The following TNXB variants were observed in gnomAD, a reference collection of about 807,000 sequenced individuals.
The protein encoded by TNXB is tenascin-X.
In TNXB, 183 loss-of-function variants were observed where a neutral mutation model predicts 340.5. The ratio of observed to expected loss-of-function variants is 0.54; its 90% confidence interval spans 0.48 to 0.61. The LOEUF is 0.61. TNXB is among the 20% of genes least tolerant of loss of function. The pLI is 0.00. For missense variants in TNXB, 4,613 were observed against 5,446.4 expected, an observed-to-expected ratio of 0.85 and a Z score of 4.82; for synonymous variants, 2,121 against 2,314.5, an observed-to-expected ratio of 0.92 and a Z score of 2.40.
chr6:32,084,388 GC>G lies in TNXB; in HGVS notation c.3445+24del. On this transcript the variant is annotated intron_variant, in intron 8 of 43. Transcript: ENST00000644971. The surrounding 1 kb of genome is among the most constrained non-coding windows in gnomAD (Gnocchi z 5.5). ...AAACCTCTTCAGGGCAGTACAGAGG[GC>G]AGGGTGTTACTGCTGTCACTCACAG... The G allele has an allele frequency of 6.4e-7, 1 of 1,563,282 alleles. No homozygotes were observed. Among genetic ancestry groups the G allele is most frequent in the Non-Finnish European group, 8.7e-7 (1 of 1,150,664 alleles).
chr6:32,076,912 C>G (rs946849556), intron 11 of TNXB, among the ~76,000 whole-genome samples: 80 of 152,102 alleles, frequency 5.3e-4, no homozygotes, highest in African/African-American at 1.8e-3. Context: ...AACCTGGGAG[C>G]CAGAGGTTGC....
In TNXB at chr6:32,097,622, T is replaced by C. The variant is rs1284770015; in HGVS notation, c.404-173A>G. 1.8e-6 allele frequency: 2 copies of C among 1,092,440 alleles called. No homozygotes were observed. Among genetic ancestry groups the C allele is most frequent in the African/African-American group, 1.6e-5 (1 of 63,296 alleles). The allele number at this position is 1,092,440 out of a possible 1,614,324, so 67.7% of individuals were successfully genotyped here. ...TGCAGCCTCTCAGGGCCCTCGCATA[T>C]GCTTTGGTTGACATGTAGCCCAGCT... is the stretch of plus-strand genomic sequence containing the variant. On this transcript the variant is annotated intron_variant, in intron 2 of 43. Coordinates refer to ENST00000644971, the MANE Select transcript of TNXB (RefSeq NM_001365276.2). The surrounding 1 kb of genome is among the most constrained non-coding windows in gnomAD (Gnocchi z 5.9).
Position 32,047,672 on chromosome 6 carries a change from C to T in TNXB, c.10324+62G>A, listed in dbSNP as rs541645099. On this transcript the variant is annotated intron_variant, in intron 30 of 43. Coordinates refer to ENST00000644971, the MANE Select transcript of TNXB (RefSeq NM_001365276.2). The surrounding 1 kb of genome is among the most constrained non-coding windows in gnomAD (Gnocchi z 6.2). ...GAATCTCACGGGAAGGCTGCAGGGC[C>T]AGCTCTGAGGGCTCGGATGAGAGGC... is the stretch of plus-strand genomic sequence containing the variant. The T allele has an allele frequency of 1.4e-4, 218 of 1,511,788 alleles. No individual in the cohort carries two copies. In the African/African-American group the frequency reaches 2.3e-3, roughly 16 times the overall value. The allele number at this position is 1,511,788 out of a possible 1,614,324, so 93.6% of individuals were successfully genotyped here.
In TNXB at chr6:32,082,100, T is replaced by A; in HGVS notation, c.3672A>T (p.Arg1224Ser). The change falls in exon 9 of 44, where the codon AGA (arginine) becomes AGT (serine). Residue 1224 changes from arginine (R) to serine (S), a missense_variant. Arg to Ser is a moderately radical substitution (Grantham distance 110). Coordinates refer to ENST00000644971, the MANE Select transcript of TNXB (RefSeq NM_001365276.2). This position sits in a 1 kb window ranked among gnomAD's most constrained non-coding sequence, Gnocchi z 5.0. ...TGTTCGCAATTCCAAACAGAGTGAA[T>A]CTGTACTTGTGGTCAGGGTCCAGTG... The part of the protein sequence containing the change: ...VSSLDPDHKY[R>S]FTLFGIANKK... 6.2e-7 allele frequency: 1 copy of A among 1,610,800 alleles called. No homozygotes were observed. The highest frequency in any genetic ancestry group is 8.5e-7 in the Non-Finnish European group (1 of 1,178,802).
chr6:32,048,428 T>A lies in TNXB; in HGVS notation c.9980A>T (p.Lys3327Met). 1 of 1,569,406 alleles carries A rather than the reference T, an allele frequency of 6.4e-7. No homozygotes were observed. Among genetic ancestry groups the A allele is most frequent in the Non-Finnish European group, 8.7e-7 (1 of 1,155,112 alleles). The change falls in exon 29 of 44, where the codon AAG becomes ATG. Residue 3327 changes from lysine to methionine, a missense_variant. This residue lies in a region of TNXB where 4,327 missense variants were observed against 4,859.4 expected (regional missense o/e 0.89). Transcript: ENST00000644971. ...ATTCTGGAGTCCAAAGAGCAGGAAC[T>A]TGTACTTGCGGGCCGGGTCCAGCCC... ...VSGLDPARKY[K>M]FLLFGLQNGK...
rs1481486672 is a variant in TNXB at position 32,043,017 on chromosome 6, C to A, written c.11859G>T (p.Trp3953Cys). The A allele has an allele frequency of 7.7e-6, 2 of 260,184 alleles. No homozygotes were observed. Among genetic ancestry groups the A allele is most frequent in the Non-Finnish European group, 1.3e-5 (2 of 149,590 alleles). 16.1% of individuals were successfully genotyped at this position (260,184 alleles called of 1,614,324 possible). ...CTGCGGGCCGGACTGGGGGCTCAGT[C>A]CAAGTGAGCAGGGCGGTGCGGGGGG... is the stretch of plus-strand genomic sequence containing the variant. ...EVTPRTALLTWTEPPVRPAGY... is the reference protein window; with the variant it reads ...EVTPRTALLTCTEPPVRPAGY... Residue 3953 changes from tryptophan to cysteine, a missense_variant, in exon 38 of 44, where the codon TGG becomes TGT. Around this residue, in one of 7 missense-constraint regions of TNXB, gnomAD observed 114 missense variants for 104.5 expected, o/e 1.09. Transcript: ENST00000644971.
rs766441687 is a variant in TNXB, at chr6:32,052,853, G to C, written c.8932C>G (p.Arg2978Gly). The C allele has an allele frequency of 1.2e-6, 2 of 1,613,394 alleles. No individual in the cohort carries two copies. The highest frequency in any genetic ancestry group is 1.7e-6 in the Non-Finnish European group (2 of 1,179,888). The change falls in exon 26 of 44, where the codon CGC (arginine) becomes GGC (glycine). Residue 2978 changes from arginine to glycine, a missense_variant. Physicochemically the swap from Arg to Gly is moderately radical, Grantham distance 125 (BLOSUM62 -2). This residue lies in a region of TNXB where 4,327 missense variants were observed against 4,859.4 expected (regional missense o/e 0.89). Coordinates refer to ENST00000644971, the MANE Select transcript of TNXB (RefSeq NM_001365276.2). The surrounding 1 kb of genome is among the most constrained non-coding windows in gnomAD (Gnocchi z 4.7). ...LSLSWTIPQG[R>G]FDSFTVQYKD... ...TACTGCACAGTGAAGGAGTCGAAGC[G>C]GCCCTGGGGGATGGTCCAGGAGAGG...
chr6:32,100,506 T>C (rs564184862), intron 1 of TNXB, among the ~76,000 whole-genome samples: 8 of 151,966 alleles, frequency 5.3e-5, no homozygotes, highest in South Asian at 4.1e-4. Context: ...AGTGTGAGGA[T>C]TGCATGAGCC....
rs1363484670 is a variant in TNXB, at chr6:32,046,755, G to A, written c.10325-299C>T. On this transcript the variant is annotated intron_variant, in intron 30 of 43. Coordinates refer to ENST00000644971, the MANE Select transcript of TNXB (RefSeq NM_001365276.2). The surrounding 1 kb of genome is among the most constrained non-coding windows in gnomAD (Gnocchi z 6.9). ...TCCCGAGGGATGGGTGGCTGGGGGT[G>A]CAGAGAGGGCCTTTGTTTACCCTGA... 6.0e-6 allele frequency: 2 copies of A among 331,946 alleles called. No homozygotes were observed. The highest frequency in any genetic ancestry group is 1.1e-5 in the Non-Finnish European group (2 of 181,182). 20.6% of individuals were successfully genotyped at this position (331,946 alleles called of 1,614,324 possible). A position where few individuals can be genotyped will look rare whatever the true frequency, so the allele number is the denominator to read the frequency against.
At chr6:32,053,882 C>A (rs1432002554) in intron 24 of TNXB, among the ~76,000 whole-genome samples, 171 bp from the exon 25 acceptor site, 7 of 150,144 alleles carry the variant, frequency 4.7e-5, no homozygotes, top group African/African-American at 1.7e-4. Flanking sequence ...CTCACCCTGA[C>A]CCCCCTGCCC....
Position 32,093,197 on chromosome 6 carries a change from T to C in TNXB, c.2358+1879A>G, listed in dbSNP as rs572610936. On this transcript the variant is annotated intron_variant, in intron 4 of 43. Transcript: ENST00000644971. ...AGATTAGAGCTATGTAAATAATATATACAGAGAAGAAGAGAGTGGGAGAAA... is the reference window on the plus strand; with the variant it reads ...AGATTAGAGCTATGTAAATAATATACACAGAGAAGAAGAGAGTGGGAGAAA... The C allele has an allele frequency of 5.4e-5, 32 of 589,198 alleles. No homozygotes were observed. In the African/African-American group the frequency reaches 5.9e-4, roughly 11 times the overall value. The allele number at this position is 589,198 out of a possible 1,614,324, so 36.5% of individuals were successfully genotyped here.
intron 3 of TNXB, 88 bp downstream of exon 3, chr6:32,095,523 C>T: frequency 6.7e-7 from 1 of 1,502,924 alleles, no homozygotes; most frequent in Non-Finnish European, 9.0e-7. Context: ...TGCTCTCCCT[C>T]CACTCTTCCT....
chr6:32,056,117 G>A lies in TNXB; in HGVS notation c.8201C>T (p.Pro2734Leu), dbSNP rs756754239. 3 of 1,612,638 alleles carry A rather than the reference G, an allele frequency of 1.9e-6. No individual in the cohort carries two copies. Among genetic ancestry groups the A allele is most frequent in the Admixed American group, 1.7e-5 (1 of 60,014 alleles). Residue 2734 changes from proline (P) to leucine (L), a missense_variant, in exon 24 of 44, where the codon CCT (proline) becomes CTT (leucine). Around this residue, in one of 7 missense-constraint regions of TNXB, gnomAD observed 4,327 missense variants for 4,859.4 expected, o/e 0.89. Coordinates refer to ENST00000644971, the MANE Select transcript of TNXB (RefSeq NM_001365276.2). Reference protein sequence around the residue: ...TELSTEAPEPPEEPLLGELTV... With the variant: ...TELSTEAPEPLEEPLLGELTV... ...CAGCTCCCCCAGGAGCGGCTCCTCA[G>A]GGGGCTCCGGGGCCTCAGTGCTGAG...
chr6:32,053,619 C>A lies in TNXB; in HGVS notation c.8560G>T (p.Asp2854Tyr), dbSNP rs1169669680. The change falls in exon 25 of 44, where the codon GAT becomes TAT. Residue 2854 changes from aspartate (D) to tyrosine (Y), a missense_variant. Transcript: ENST00000644971. ...AGGCTGAGGGAGTCAGGGGTGGCAT[C>A]TGTCACGGTCAGCTCCCCGAGGCGA... ...KPRLGELTVT[D>Y]ATPDSLSLSW... The A allele has an allele frequency of 6.2e-7, 1 of 1,613,594 alleles. No homozygotes were observed.
Position 32,088,988 on chromosome 6 carries a change from C to G in TNXB, c.2576G>C (p.Gly859Ala). ...CACCTCAGCCTGGGGACGCAGCCAG[C>G]CAAGCTCCAGTGTTGTCGGTGTCAC... is the stretch of plus-strand genomic sequence containing the variant. ...VAVTPTTLEL[G>A]WLRPQAEVDR... is the part of the protein sequence containing the mutation. The change falls in exon 6 of 44, where the codon GGC (glycine) becomes GCC (alanine). Residue 859 changes from glycine (G) to alanine (A), a missense_variant. By Grantham distance (60) the Gly-to-Ala change is moderately conservative (BLOSUM62 0). Around this residue, in one of 7 missense-constraint regions of TNXB, gnomAD observed 4,327 missense variants for 4,859.4 expected, o/e 0.89. Coordinates refer to ENST00000644971, the MANE Select transcript of TNXB (RefSeq NM_001365276.2). 1 of 1,611,428 alleles carries G rather than the reference C, an allele frequency of 6.2e-7. No homozygotes were observed. Among genetic ancestry groups the G allele is most frequent in the Non-Finnish European group, 8.5e-7 (1 of 1,179,012 alleles).
In TNXB at chr6:32,084,252, C is replaced by T. The variant is rs1318541952; in HGVS notation, c.3445+161G>A. ...CTCCCTCAGGCTGCACTGAGCTTCT[C>T]AAACTCTTTGCCTGCCCCACCACTA... On this transcript the variant is annotated intron_variant, in intron 8 of 43. Transcript: ENST00000644971. The surrounding 1 kb of genome is among the most constrained non-coding windows in gnomAD (Gnocchi z 5.5). Among the ~76,000 whole-genome samples the T allele has an allele frequency of 6.6e-6, 1 of 152,208 alleles. No homozygotes were observed. The highest frequency in any genetic ancestry group is 2.4e-5 in the African/African-American group (1 of 41,454).
rs766500753 is a variant in TNXB at position 32,072,135 on chromosome 6, G to A, written c.4845C>T (p.Asp1615=). The change falls in exon 13 of 44, where the codon GAC becomes GAT. Residue 1615 remains aspartate (D), a synonymous_variant. Transcript: ENST00000644971. This position sits in a 1 kb window ranked among gnomAD's most constrained non-coding sequence, Gnocchi z 4.4. ...CCACGGGCACCACCTGGGGCTGCCC[G>A]TCCCTGTCCTTGTACTGAACCACAA... is the stretch of plus-strand genomic sequence containing the variant. The part of the protein sequence containing the change: ...DSFVVQYKDR[D]GQPQVVPVAA... 2.9e-5 allele frequency: 46 copies of A among 1,613,260 alleles called. No individual in the cohort carries two copies. Among genetic ancestry groups the A allele is most frequent in the Non-Finnish European group, 3.0e-5 (35 of 1,179,616 alleles).
At chr6:32,088,264 G>C (rs1255419121) in intron 6 of TNXB, among the ~76,000 whole-genome samples, 2 of 152,200 alleles carry the variant, frequency 1.3e-5, no homozygotes, top group East Asian at 3.8e-4. Flanking sequence ...AGTCGGGGAA[G>C]AGAACATGAG....
chr6:32,071,907 AAAGGG>A lies in TNXB; in HGVS notation c.4990+78_4990+82del, dbSNP rs1466609336. On this transcript the variant is annotated intron_variant, in intron 13 of 43. Transcript: ENST00000644971. ...TTCAAATGAGACAGAGCAGGTGGACAAAGGGAAGACTCAGCAGAGGGAGTGAAGAG... is the reference window on the plus strand; with the variant it reads ...TTCAAATGAGACAGAGCAGGTGGACAAAGACTCAGCAGAGGGAGTGAAGAG... 4.0e-6 allele frequency: 5 copies of A among 1,252,002 alleles called. No homozygotes were observed. The African/African-American group carries it at 7.5e-5, about 19-fold the overall frequency. 77.6% of individuals were successfully genotyped at this position (1,252,002 alleles called of 1,614,324 possible).
Sources: allele counts gnomAD v4.1 joint callset (sites outside exome capture counted in the v4.1 genomes callset), GRCh38; gene constraint gnomAD v4.1.1; regional missense constraint gnomAD v4.1.1; non-coding constraint Gnocchi (gnomAD v3.1); transcripts MANE v1.5; gene names NCBI Gene and HGNC (gene_info 2026-07-23, HGNC 2026-07-21).